RBFOX1: variants seen among roughly 807,000 people sequenced by gnomAD.
RBFOX1 encodes RNA binding protein fox-1 homolog 1.
Under a neutral mutation model 57.7 loss-of-function variants are expected in RBFOX1, and 8 were observed. The observed-to-expected ratio is 0.14, with a 90% CI of 0.08 to 0.25. The LOEUF is 0.25. RBFOX1 is among the 10% of genes least tolerant of loss of function. The pLI is 1.00. For synonymous variants in RBFOX1, 326 were observed against 222.4 expected (o/e 1.47, Z -4.15); for missense variants, 611 against 548.5 (o/e 1.11, Z -1.14).
intron 2 of RBFOX1, among the ~76,000 whole-genome samples, chr16:5,565,784 G>A (rs1042128125): frequency 2.6e-5 from 4 of 152,014 alleles, no homozygotes; most frequent in African/African-American, 9.7e-5. Flanking sequence ...CAGTCTACTT[G>A]AGGCTAGTTT....
chr16:6,157,502 T>C (rs1387526677), intron 1 of RBFOX1, among the ~76,000 whole-genome samples: 1 of 152,232 alleles, frequency 6.6e-6, no homozygotes, highest in Non-Finnish European at 1.5e-5. Context: ...ATTTGCTAAC[T>C]GTGGTAATCC....
chr16:6,944,043 G>A (rs1434953639), intron 3 of RBFOX1, among the ~76,000 whole-genome samples: 1 of 152,030 alleles, frequency 6.6e-6, no homozygotes, highest in Non-Finnish European at 1.5e-5. Flanking sequence ...ATTTTAACAG[G>A]GACAACCAAC....
intron 4 of RBFOX1, among the ~76,000 whole-genome samples, chr16:5,892,495 T>G (rs2058068006): frequency 6.6e-6 from 1 of 152,076 alleles, no homozygotes; most frequent in Non-Finnish European, 1.5e-5. Context: ...GTGCTTGGCT[T>G]GTAGTAAGAG....
At chr16:5,759,583 T>C (rs1324969127) in intron 3 of RBFOX1, among the ~76,000 whole-genome samples, 2 of 152,218 alleles carry the variant, frequency 1.3e-5, no homozygotes, top group African/African-American at 4.8e-5. Context: ...GCACAGAACA[T>C]GAGGTTCCTT....
chr16:5,624,340 A>G (rs968871212), intron 3 of RBFOX1, among the ~76,000 whole-genome samples: 1 of 152,162 alleles, frequency 6.6e-6, no homozygotes, highest in Non-Finnish European at 1.5e-5. Flanking sequence ...GACTACAGGC[A>G]CCTACTACCG....
At chr16:7,350,447 G>A (rs1002840476) in intron 4 of RBFOX1, among the ~76,000 whole-genome samples, 1 of 152,148 alleles carries the variant, frequency 6.6e-6, no homozygotes, top group Admixed American at 6.5e-5. Context: ...ACCTTGTAGG[G>A]CATTGCAGGC....
In RBFOX1 at chr16:5,731,802, A is replaced by G. The variant is rs550553966; in HGVS notation, c.318+132841A>G. Among the ~76,000 whole-genome samples, 11 of 152,324 alleles carry G rather than the reference A, an allele frequency of 7.2e-5. No individual in the cohort carries two copies. In the East Asian group the frequency reaches 2.1e-3, roughly 29 times the overall value. On this transcript the variant is annotated intron_variant, in intron 3 of 19. Coordinates refer to the RBFOX1 transcript ENST00000641259. ...TAGATGACAGGAAGTATGAAATCTT[A>G]GACAATTTTCCAGTGGTTTCTAATA... is the stretch of plus-strand genomic sequence containing the variant.
chr16:6,593,019 C>A (rs1018687560), intron 2 of RBFOX1, among the ~76,000 whole-genome samples: 1 of 152,066 alleles, frequency 6.6e-6, no homozygotes, highest in Non-Finnish European at 1.5e-5. Context: ...ATGGTAAAAC[C>A]TGTCTGTACT....
intron 2 of RBFOX1, among the ~76,000 whole-genome samples, chr16:5,505,965 C>T (rs375068169): frequency 1.1e-4 from 16 of 152,250 alleles, no homozygotes; most frequent in African/African-American, 2.6e-4. Flanking sequence ...CCTCCCCTCC[C>T]GCATTGACCC....
intron 5 of RBFOX1, among the ~76,000 whole-genome samples, chr16:7,566,720 C>G (rs2091769951): frequency 6.6e-6 from 1 of 152,118 alleles, no homozygotes; most frequent in Non-Finnish European, 1.5e-5. Flanking sequence ...CTACGAGTGG[C>G]ATTCAGCATC....
chr16:7,133,342 G>T (rs2071034834), intron 4 of RBFOX1, among the ~76,000 whole-genome samples: 1 of 152,192 alleles, frequency 6.6e-6, no homozygotes, highest in Non-Finnish European at 1.5e-5. Flanking sequence ...CTGGACTCTT[G>T]TTTCTGTAAA....
chr16:7,422,899 C>T (rs2098556037), intron 4 of RBFOX1: 2 of 152,176 alleles, frequency 1.3e-5, no homozygotes, highest in Non-Finnish European at 2.9e-5. Flanking sequence ...TTCTTTTTGC[C>T]ATTTGCTAAA....
intron 2 of RBFOX1, among the ~76,000 whole-genome samples, chr16:6,488,503 C>G (rs1567408912): frequency 1.3e-5 from 2 of 152,126 alleles, no homozygotes. Flanking sequence ...TACAACTCTG[C>G]AAGGTAGGTA....
At chr16:7,473,501 G>A (rs960797799) in intron 4 of RBFOX1, among the ~76,000 whole-genome samples, 4 of 147,698 alleles carry the variant, frequency 2.7e-5, no homozygotes, top group Non-Finnish European at 4.5e-5. Flanking sequence ...GTTTATATAT[G>A]TACATATGTA....
intron 2 of RBFOX1, among the ~76,000 whole-genome samples, chr16:5,523,281 G>C (rs1215485903): frequency 6.6e-6 from 1 of 151,550 alleles, no homozygotes; most frequent in African/African-American, 2.4e-5. Context: ...GCAAGACTCT[G>C]TTTCAAAAAA....
At chr16:7,019,280 G>A (rs935890441) in intron 3 of RBFOX1, among the ~76,000 whole-genome samples, 1 of 152,174 alleles carries the variant, frequency 6.6e-6, no homozygotes, top group South Asian at 2.1e-4. Context: ...AAAACAGGTA[G>A]ATTTGGAAAA....
rs1222713846 is a variant in RBFOX1, at chr16:5,856,185, C to CTGTA, written c.319-11117_319-11116insGTAT. ...TCTCTCTCTCTCTCTCTCTCTCTCT[C>CTGTA]TCTATATATATATATATATATACAT... On this transcript the variant is annotated intron_variant, in intron 3 of 19. Transcript: ENST00000641259. Among the ~76,000 whole-genome samples, 66 of 39,884 alleles carry CTGTA rather than the reference C, an allele frequency of 1.7e-3. 1 individual carries two copies. Among genetic ancestry groups the CTGTA allele is most frequent in the Non-Finnish European group, 2.5e-3 (57 of 23,102 alleles). 26.2% of individuals were successfully genotyped at this position (39,884 alleles called of 152,430 possible).
intron 1 of RBFOX1, among the ~76,000 whole-genome samples, chr16:5,459,718 TACAC>T (rs1293425011): frequency 6.6e-6 from 1 of 151,938 alleles, no homozygotes; most frequent in African/African-American, 2.4e-5. Context: ...ACAGCACACA[TACAC>T]ACATGCACGC....
chr16:7,062,752 A>G (rs2054782788), intron 4 of RBFOX1, among the ~76,000 whole-genome samples: 1 of 152,120 alleles, frequency 6.6e-6, no homozygotes, highest in South Asian at 2.1e-4. Flanking sequence ...TCATTTCGGT[A>G]GTGATATTCT....
Sources: gnomAD v4.1 joint callset for allele counts (sites outside exome capture counted in the v4.1 genomes callset) on GRCh38, gnomAD v4.1.1 for gene constraint, MANE v1.5 for transcripts, NCBI Gene and HGNC (gene_info 2026-07-23, HGNC 2026-07-21) for gene names.